HEATR4: variants seen among roughly 807,000 people sequenced by gnomAD.
HEATR4 encodes HEAT repeat containing 4.
In HEATR4, 95 loss-of-function variants were observed where a neutral mutation model predicts 108.8. The observed-to-expected ratio is 0.87, with a 90% CI of 0.74 to 1.04. The LOEUF is 1.04. HEATR4 is among the 50% of genes least tolerant of loss of function. The probability of loss-of-function intolerance (pLI) is 0.00; values close to 1 mark genes in which losing one functional copy is unlikely to be tolerated. For synonymous variants in HEATR4, 443 were observed against 459.4 expected (o/e 0.96, Z 0.46); for missense variants, 1,152 against 1,253.8 (o/e 0.92, Z 1.23).
chr14:73,593,518 A>G, the HEATR4 span, among the ~76,000 whole-genome samples: 1 of 151,424 alleles, frequency 6.6e-6, no homozygotes, highest in Admixed American at 6.6e-5. Flanking sequence ...AAAAAAAAAA[A>G]AGATTGTAGA....
chr14:73,493,245 C>T lies in HEATR4; in HGVS notation c.2786-121G>A. ...GTGTACTGGGTAACACTGACCATGT[C>T]GTTCTGCTTGAGACAGATATTAGAT... On this transcript the variant is annotated intron_variant, in intron 16 of 17. Transcript: ENST00000553558. 9.0e-6 allele frequency: 7 copies of T among 781,808 alleles called. No individual in the cohort carries two copies. The East Asian group carries it at 1.7e-4, about 20-fold the overall frequency. 48.4% of individuals were successfully genotyped at this position (781,808 alleles called of 1,614,324 possible).
At chr14:73,491,507 C>G (rs1410252354) in intron 17 of HEATR4, 1 of 1,515,124 alleles carries the variant, frequency 6.6e-7, no homozygotes, top group Non-Finnish European at 8.8e-7. Context: ...GTCCGGGGCC[C>G]CTGCGACGGC....
the HEATR4 span, chr14:73,619,181 T>C: frequency 1.4e-4 from 206 of 1,512,914 alleles, no homozygotes; most frequent in Middle Eastern, 1.8e-4. Context: ...TCACTGTCTG[T>C]GTCCTCCATT....
chr14:73,515,263 C>T (rs903658881), intron 5 of HEATR4, among the ~76,000 whole-genome samples: 54 of 152,178 alleles, frequency 3.5e-4, no homozygotes, highest in African/African-American at 1.2e-3. Context: ...TAATCAGTCA[C>T]TATCAGCCAT....
chr14:73,507,038 G>A (rs1370889365), intron 9 of HEATR4, among the ~76,000 whole-genome samples: 2 of 151,528 alleles, frequency 1.3e-5, no homozygotes, highest in Non-Finnish European at 2.9e-5. Context: ...CCTGACCTCA[G>A]GTGATCTGCC....
chr14:73,583,903 G>A, the HEATR4 span, among the ~76,000 whole-genome samples: 4 of 151,948 alleles, frequency 2.6e-5, no homozygotes, highest in African/African-American at 9.7e-5. Flanking sequence ...AGGAGGCTGA[G>A]GCAGGAGAAT....
Position 73,508,246 on chromosome 14 carries a change from C to G in HEATR4, c.1769G>C (p.Gly590Ala), listed in dbSNP as rs772638121. 4 of 1,613,952 alleles carry G rather than the reference C, an allele frequency of 2.5e-6. No homozygotes were observed. The highest frequency in any genetic ancestry group is 3.4e-6 in the Non-Finnish European group (4 of 1,179,930). Residue 590 changes from glycine (G) to alanine (A), a missense_variant, in exon 9 of 18, where the codon GGT becomes GCT. Physicochemically the swap from Gly to Ala is moderately conservative, Grantham distance 60. Transcript: ENST00000553558. ...WAAAQCLALEGTATYPVIKRI... is the reference protein window; with the variant it reads ...WAAAQCLALEATATYPVIKRI... The stretch of plus-strand genomic sequence containing the variant: ...CTTAATCACAGGGTAAGTAGCAGTA[C>G]CTTCCAGAGCCAAGCACTGAGCTGC...
At chr14:73,523,279 G>C in intron 2 of HEATR4, 55 bp from the exon 3 acceptor site, 2 of 858,416 alleles carry the variant, frequency 2.3e-6, no homozygotes, top group South Asian at 3.8e-5. Flanking sequence ...GAAATTGGTA[G>C]CCCATAGCAG....
At chr14:73,612,425 C>T in the HEATR4 span, 1 of 485,484 alleles carries the variant, frequency 2.1e-6, no homozygotes, top group Non-Finnish European at 3.3e-6. Context: ...GCGCCCCACG[C>T]AGCGGCCTGG....
the HEATR4 span, chr14:73,573,571 A>G: frequency 6.2e-7 from 1 of 1,613,714 alleles, no homozygotes; most frequent in Non-Finnish European, 8.5e-7. Context: ...GCCATGAACT[A>G]CTTGCTCAGT....
the HEATR4 span, chr14:73,617,148 G>C: frequency 1.2e-6 from 2 of 1,614,102 alleles, no homozygotes; most frequent in South Asian, 1.1e-5. Flanking sequence ...TGTACATCTG[G>C]AGTACTTTGA....
rs769705232 is a variant in HEATR4 at position 73,495,318 on chromosome 14, C to G, written c.2695G>C (p.Val899Leu). 34 of 1,613,922 alleles carry G rather than the reference C, an allele frequency of 2.1e-5. No homozygotes were observed. The East Asian group carries it at 7.1e-4, about 34-fold the overall frequency. The part of the protein sequence containing the change: ...ILKLEMVMGK[V>L]REEAKRVYLK... ...TAAACACGTTTTGCTTCCTCCCTCA[C>G]TTTTCCCATGACCATCTCCAGCTTG... The change falls in exon 16 of 18, where the codon GTG becomes CTG. Residue 899 changes from valine (V) to leucine (L), a missense_variant. Val to Leu is a conservative substitution (Grantham distance 32). Coordinates refer to ENST00000553558, the MANE Select transcript of HEATR4 (RefSeq NM_001220484.1).
chr14:73,626,194 A>G, the HEATR4 span, among the ~76,000 whole-genome samples: 5 of 152,240 alleles, frequency 3.3e-5, no homozygotes, highest in African/African-American at 1.2e-4. Context: ...TGGTTTTCCT[A>G]GGCCACATTG....
At chr14:73,622,614 G>C in the HEATR4 span, among the ~76,000 whole-genome samples, 1 of 152,022 alleles carries the variant, frequency 6.6e-6, no homozygotes, top group Non-Finnish European at 1.5e-5. Flanking sequence ...TGGTCAGGCT[G>C]GTCTCGAACT....
rs1888816341 is a variant in HEATR4 at position 73,534,983 on chromosome 14, T to A, written c.-151-4739A>T. On this transcript the variant is annotated intron_variant, in intron 1 of 17. Coordinates refer to ENST00000553558, the MANE Select transcript of HEATR4 (RefSeq NM_001220484.1). ...GTTTGACTAGTCTTTTTAAAAAATA[T>A]GTTAATATCTTGGTAAAAAGTATAT... 1.8e-5 allele frequency among the ~76,000 whole-genome samples: 2 copies of A among 113,308 alleles called. 1 individual carries two copies. Among genetic ancestry groups the A allele is most frequent in the Non-Finnish European group, 3.8e-5 (2 of 52,478 alleles). 74.3% of individuals were successfully genotyped at this position (113,308 alleles called of 152,430 possible).
At chr14:73,605,556 CTTTTTTTTTTTTT>C in the HEATR4 span, among the ~76,000 whole-genome samples, 314 of 56,936 alleles carry the variant, frequency 5.5e-3, 2 homozygotes, top group Non-Finnish European at 9.0e-3. Context: ...CTGTAAGATT[CTTTTTTTTTTTTT>C]TTTTTTTTTT....
chr14:73,575,877 C>A, the HEATR4 span, among the ~76,000 whole-genome samples: 416 of 152,070 alleles, frequency 2.7e-3, 3 homozygotes, highest in African/African-American at 9.6e-3. Flanking sequence ...GTGAGCCAGG[C>A]GTGGTGGCTC....
At chr14:73,484,811 G>GACACACAC (rs367692583) in intron 17 of HEATR4, among the ~76,000 whole-genome samples, 3 of 147,520 alleles carry the variant, frequency 2.0e-5, no homozygotes, top group African/African-American at 7.5e-5. Flanking sequence ...TATGCAGGCA[G>GACACACAC]ACACACACAC....
At chr14:73,570,792 C>T in the HEATR4 span, among the ~76,000 whole-genome samples, 5 of 150,338 alleles carry the variant, frequency 3.3e-5, no homozygotes, top group Admixed American at 3.3e-4. Context: ...GTAGTCCCAA[C>T]TACTTAGGAG....
Sources: gnomAD v4.1 joint callset for allele counts (sites outside exome capture counted in the v4.1 genomes callset) on GRCh38, gnomAD v4.1.1 for gene constraint, MANE v1.5 for transcripts, NCBI Gene and HGNC (gene_info 2026-07-23, HGNC 2026-07-21) for gene names.